Variants in RBM47 observed in about 807,000 individuals in gnomAD.
RBM47 encodes the protein RNA binding motif protein 47.
RBM47 carries 21 observed loss-of-function variants against 47.1 expected under a neutral mutation model. The ratio of observed to expected loss-of-function variants is 0.45; its 90% CI spans 0.32 to 0.64. The LOEUF (loss-of-function observed/expected upper bound fraction) is 0.64. Ranked by LOEUF, RBM47 falls within the 30% of genes least tolerant of loss-of-function variation. The probability of loss-of-function intolerance (pLI) is 0.05; values close to 1 mark genes in which losing one functional copy is unlikely to be tolerated. For synonymous variants in RBM47, 375 were observed against 361.7 expected (o/e 1.04, Z -0.42); for missense variants, 708 against 870.9 (o/e 0.81, Z 2.35).
chr4:40,507,991 G>C (rs1412554177), intron 2 of RBM47, among the ~76,000 whole-genome samples: 1 of 152,108 alleles, frequency 6.6e-6, no homozygotes, highest in African/African-American at 2.4e-5. Context: ...GCTTCAACCC[G>C]GGAGGCGGAG....
At chr4:40,455,419 A>G (rs1231741366) in intron 3 of RBM47, 1 of 152,128 alleles carries the variant, frequency 6.6e-6, no homozygotes, top group Non-Finnish European at 1.5e-5. Flanking sequence ...CAGCTTCACC[A>G]TCTATAAAAT....
intron 6 of RBM47, 85 bp from the exon 7 acceptor site, chr4:40,426,228 C>A: frequency 1.3e-6 from 2 of 1,506,302 alleles, no homozygotes; most frequent in South Asian, 1.3e-5. Flanking sequence ...TCCCAGAAGA[C>A]GGGAATACAA....
intron 2 of RBM47, among the ~76,000 whole-genome samples, chr4:40,493,604 T>C (rs1281099856): frequency 2.0e-5 from 3 of 152,020 alleles, no homozygotes; most frequent in Non-Finnish European, 4.4e-5. Context: ...GCCAACATGG[T>C]GAAACCCTGT....
intron 3 of RBM47, among the ~76,000 whole-genome samples, chr4:40,458,100 T>C (rs1296070964): frequency 2.6e-5 from 4 of 152,256 alleles, no homozygotes; most frequent in South Asian, 2.1e-4. Context: ...GTAGTAGTTA[T>C]ATAGTAACAG....
Position 40,492,744 on chromosome 4 carries a change from G to A in RBM47, c.-154-26045C>T, listed in dbSNP as rs115701939. On this transcript the variant is annotated intron_variant, in intron 2 of 6. Coordinates refer to ENST00000295971, the MANE Select transcript of RBM47 (RefSeq NM_001098634.2). ...AGCTTTCCAAGAAAATGCTTCCCTG[G>A]TCCCTGTTCACTCAGCACTCCCATC... Among the ~76,000 whole-genome samples the A allele has an allele frequency of 9.2e-3, 1,403 of 151,714 alleles. 26 individuals carry two copies. The highest frequency in any genetic ancestry group is 0.032 in the African/African-American group (1,339 of 41,268).
intron 1 of RBM47, among the ~76,000 whole-genome samples, chr4:40,597,718 G>T (rs1290821524): frequency 1.3e-5 from 2 of 152,154 alleles, no homozygotes; most frequent in African/African-American, 4.8e-5. Flanking sequence ...ATGTGCCCAA[G>T]TTCATTACCA....
At chr4:40,531,419 G>A (rs1430398306) in intron 2 of RBM47, among the ~76,000 whole-genome samples, 1 of 152,024 alleles carries the variant, frequency 6.6e-6, no homozygotes, top group Non-Finnish European at 1.5e-5. Flanking sequence ...GGAGGATGCT[G>A]GCCTGCCAAG....
chr4:40,512,413 CAA>C (rs33930819), intron 2 of RBM47, among the ~76,000 whole-genome samples: 2,457 of 56,200 alleles, frequency 0.044, 46 homozygotes, highest in African/African-American at 0.11. Context: ...AACTCCATCT[CAA>C]AAAAAAAAAA....
chr4:40,459,296 C>T (rs1455371802), intron 3 of RBM47, among the ~76,000 whole-genome samples: 1 of 152,206 alleles, frequency 6.6e-6, no homozygotes, highest in Non-Finnish European at 1.5e-5. Context: ...AATGAATGTG[C>T]ACTGTCTTTT....
chr4:40,427,945 C>G (rs964244489), intron 6 of RBM47, among the ~76,000 whole-genome samples: 2 of 152,076 alleles, frequency 1.3e-5, no homozygotes, highest in Admixed American at 6.5e-5. Flanking sequence ...AATCCTAGCA[C>G]TTTGGGAGGT....
intron 1 of RBM47, among the ~76,000 whole-genome samples, chr4:40,572,544 G>A (rs1254410692): frequency 6.6e-6 from 1 of 151,860 alleles, no homozygotes; most frequent in African/African-American, 2.4e-5. Flanking sequence ...CCTAAAGACA[G>A]ATTAGAAACT....
At chr4:40,625,576 G>A (rs547773751) in intron 1 of RBM47, among the ~76,000 whole-genome samples, 1 of 152,054 alleles carries the variant, frequency 6.6e-6, no homozygotes. Flanking sequence ...GTCTGGGAAC[G>A]GGTTGTCTTC....
chr4:40,533,207 G>A (rs962295921), intron 2 of RBM47, among the ~76,000 whole-genome samples: 1 of 152,178 alleles, frequency 6.6e-6, no homozygotes, highest in Non-Finnish European at 1.5e-5. Flanking sequence ...ACCAAGGTAG[G>A]CGGTTCACCT....
At chr4:40,494,713 G>A (rs1284977343) in intron 2 of RBM47, among the ~76,000 whole-genome samples, 1 of 152,146 alleles carries the variant, frequency 6.6e-6, no homozygotes, top group African/African-American at 2.4e-5. Flanking sequence ...CCAGAAGCCA[G>A]GGACAGGTAC....
At chr4:40,597,495 T>C (rs748118195) in intron 1 of RBM47, among the ~76,000 whole-genome samples, 31 of 151,362 alleles carry the variant, frequency 2.0e-4, no homozygotes, top group Non-Finnish European at 2.8e-4. Flanking sequence ...GGCAGGAGAA[T>C]GGCTTGAACC....
chr4:40,458,833 C>A (rs1716673018), intron 3 of RBM47, among the ~76,000 whole-genome samples: 1 of 151,932 alleles, frequency 6.6e-6, no homozygotes, highest in South Asian at 2.1e-4. Context: ...AAAAACAGGT[C>A]CTTCTGCAAA....
chr4:40,531,306 C>G (rs903571392), intron 2 of RBM47, among the ~76,000 whole-genome samples: 2 of 151,896 alleles, frequency 1.3e-5, no homozygotes, highest in Non-Finnish European at 2.9e-5. Context: ...CAAAGGATAA[C>G]ATCTGGAGAG....
At chr4:40,467,470 T>C (rs747446801) in intron 2 of RBM47, among the ~76,000 whole-genome samples, 8 of 152,004 alleles carry the variant, frequency 5.3e-5, no homozygotes, top group Non-Finnish European at 1.2e-4. Context: ...TTGTATTTTT[T>C]AGTAGAGCTG....
chr4:40,596,386 C>A (rs1243022514), intron 1 of RBM47, among the ~76,000 whole-genome samples: 1 of 152,104 alleles, frequency 6.6e-6, no homozygotes, highest in African/African-American at 2.4e-5. Context: ...CTGGTGCAGG[C>A]ACATGTACCT....
Sources: allele counts gnomAD v4.1 joint callset (sites outside exome capture counted in the v4.1 genomes callset), GRCh38; gene constraint gnomAD v4.1.1; transcripts MANE v1.5; gene names NCBI Gene and HGNC (gene_info 2026-07-23, HGNC 2026-07-21).